Variants in HECW1 observed in about 807,000 individuals in gnomAD.
HECW1 encodes the protein E3 ubiquitin-protein ligase HECW1.
HECW1 carries 61 observed loss-of-function variants against 182.3 expected under a neutral mutation model. That is an observed-to-expected ratio of 0.33 (90% confidence interval 0.27 to 0.41). The LOEUF is 0.41. Ranked by LOEUF, HECW1 falls within the 10% of genes least tolerant of loss-of-function variation. The pLI, the probability that HECW1 is intolerant of heterozygous loss-of-function variation, is 1.00. For missense variants in HECW1, 1,739 were observed against 2,108.9 expected (o/e 0.82, Z 3.44); for synonymous variants, 859 against 832.6 (o/e 1.03, Z -0.55).
chr7:43,285,058 C>G (rs1804452224), intron 3 of HECW1, among the ~76,000 whole-genome samples: 4 of 148,674 alleles, frequency 2.7e-5, no homozygotes, highest in African/African-American at 7.5e-5. Flanking sequence ...GTTATATTAA[C>G]TTATTATAAC....
intron 21 of HECW1, among the ~76,000 whole-genome samples, chr7:43,505,078 C>G (rs1387515686): frequency 5.3e-5 from 8 of 152,130 alleles, no homozygotes; most frequent in African/African-American, 1.9e-4. Flanking sequence ...ATTCCCGCAG[C>G]CTCATCCTCC....
At chr7:43,172,136 AT>A (rs1791756348) in intron 2 of HECW1, among the ~76,000 whole-genome samples, 1 of 147,600 alleles carries the variant, frequency 6.8e-6, no homozygotes, top group Non-Finnish European at 1.5e-5. Flanking sequence ...AAAAAAAAAA[AT>A]TAGCCAGGCA....
At chr7:43,215,191 C>T (rs1296048715) in intron 2 of HECW1, among the ~76,000 whole-genome samples, 1 of 152,214 alleles carries the variant, frequency 6.6e-6, no homozygotes, top group Non-Finnish European at 1.5e-5. Context: ...GTATAGGCAC[C>T]GCCTAGTCAG....
At chr7:43,285,232 A>T (rs1268818541) in intron 3 of HECW1, among the ~76,000 whole-genome samples, 1 of 152,200 alleles carries the variant, frequency 6.6e-6, no homozygotes, top group Non-Finnish European at 1.5e-5. Context: ...ATATGTAGAC[A>T]AACTGGATCA....
At chr7:43,495,255 C>T (rs369135906) in intron 19 of HECW1, among the ~76,000 whole-genome samples, 1 of 151,932 alleles carries the variant, frequency 6.6e-6, no homozygotes, top group Non-Finnish European at 1.5e-5. Flanking sequence ...TAATGCTATC[C>T]CTCCCCTAGC....
At chr7:43,205,874 C>T (rs1471816634) in intron 2 of HECW1, among the ~76,000 whole-genome samples, 1 of 152,178 alleles carries the variant, frequency 6.6e-6, no homozygotes, top group Non-Finnish European at 1.5e-5. Context: ...GTCCACAGTG[C>T]AGGCGGCTGG....
At chr7:43,276,530 G>A (rs1031095081) in intron 3 of HECW1, among the ~76,000 whole-genome samples, 3 of 152,136 alleles carry the variant, frequency 2.0e-5, no homozygotes, top group Non-Finnish European at 2.9e-5. Context: ...AAAATCATAA[G>A]TAGCCTGTTC....
intron 24 of HECW1, among the ~76,000 whole-genome samples, chr7:43,538,154 G>A (rs34703311): frequency 0.16 from 23,739 of 152,158 alleles, 2,173 homozygotes; most frequent in East Asian, 0.34. Context: ...AGGTCAGAGG[G>A]AGTCAAGTTG....
intron 3 of HECW1, among the ~76,000 whole-genome samples, chr7:43,250,100 C>T (rs907212516): frequency 1.7e-4 from 24 of 144,908 alleles, no homozygotes; most frequent in African/African-American, 6.2e-4. Context: ...TCCTCTCTTG[C>T]AGATTTTTTT....
chr7:43,416,552 T>C (rs1306122946), intron 8 of HECW1, among the ~76,000 whole-genome samples: 6 of 152,040 alleles, frequency 3.9e-5, no homozygotes, highest in Non-Finnish European at 1.5e-5. Context: ...TGTGGTGGGC[T>C]CCACCCAGTT....
intron 13 of HECW1, among the ~76,000 whole-genome samples, chr7:43,461,629 G>C (rs1213490283): frequency 4.6e-5 from 7 of 152,172 alleles, no homozygotes; most frequent in Admixed American, 4.6e-4. Flanking sequence ...TCAGCAGAGA[G>C]AAGATCACAG....
chr7:43,228,218 G>A (rs1797596685), intron 2 of HECW1, among the ~76,000 whole-genome samples: 1 of 152,100 alleles, frequency 6.6e-6, no homozygotes, highest in African/African-American at 2.4e-5. Flanking sequence ...AGGCACAGTG[G>A]CTCACGCCTG....
rs1277404090 is a variant in HECW1, at chr7:43,311,835, C to T, written c.100C>T (p.Arg34Trp). The T allele has an allele frequency of 2.5e-6, 4 of 1,614,036 alleles. No homozygotes were observed. Among genetic ancestry groups the T allele is most frequent in the Non-Finnish European group, 2.5e-6 (3 of 1,180,004 alleles). Residue 34 changes from arginine (R) to tryptophan (W), a missense_variant, in exon 4 of 30, where the codon CGG (arginine) becomes TGG (tryptophan). Arg to Trp is a moderately radical substitution (Grantham distance 101, BLOSUM62 -3). This residue lies in a region of HECW1 where 279 missense variants were observed against 353.1 expected (regional missense o/e 0.79). Coordinates refer to ENST00000395891, the MANE Select transcript of HECW1 (RefSeq NM_015052.5). Reference sequence around the variant, plus strand: ...TTCTAGAAACTCCCAGAGCCGACGCCGGTGCAAGGAGCCGCTCCGATACAG... The same window carrying T: ...TTCTAGAAACTCCCAGAGCCGACGCTGGTGCAAGGAGCCGCTCCGATACAG... The part of the protein sequence containing the change: ...SPSRNSQSRR[R>W]CKEPLRYSYN...
chr7:43,526,527 A>G (rs550273313), intron 24 of HECW1, among the ~76,000 whole-genome samples: 1 of 152,352 alleles, frequency 6.6e-6, no homozygotes, highest in South Asian at 2.1e-4. Flanking sequence ...TTATGGAAAT[A>G]TTGTGCATTG....
At chr7:43,364,266 C>A (rs976094705) in intron 6 of HECW1, among the ~76,000 whole-genome samples, 4 of 152,122 alleles carry the variant, frequency 2.6e-5, no homozygotes, top group African/African-American at 9.7e-5. Flanking sequence ...TTCTCATTGT[C>A]TTGTTCCCTC....
chr7:43,531,749 C>T (rs567635199), intron 24 of HECW1, among the ~76,000 whole-genome samples: 1 of 152,346 alleles, frequency 6.6e-6, no homozygotes, highest in Admixed American at 6.5e-5. Context: ...CGGCCTCTGC[C>T]TCCTTCCTGC....
chr7:43,561,864 T>A lies in HECW1; in HGVS notation c.4759T>A (p.Ser1587Thr), dbSNP rs764187219. 9.3e-6 allele frequency: 15 copies of A among 1,614,096 alleles called. No individual in the cohort carries two copies. The highest frequency in any genetic ancestry group is 1.3e-5 in the Non-Finnish European group (15 of 1,179,956). The change falls in exon 30 of 30, where the codon TCC (serine) becomes ACC (threonine). Residue 1587 changes from serine to threonine, a missense_variant. By Grantham distance (58) the Ser-to-Thr change is moderately conservative. Around this residue, in one of 5 missense-constraint regions of HECW1, gnomAD observed 420 missense variants for 595.7 expected, o/e 0.71. Coordinates refer to ENST00000395891, the MANE Select transcript of HECW1 (RefSeq NM_015052.5). The stretch of plus-strand genomic sequence containing the variant: ...GGATCTTCCACCGTATCCCTCGTAC[T>A]CCATGTTGTATGAAAAGCTGTTAAC... ...RLDLPPYPSYSMLYEKLLTAV... is the reference protein window; with the variant it reads ...RLDLPPYPSYTMLYEKLLTAV...
chr7:43,268,394 C>T (rs1436702858), intron 3 of HECW1, among the ~76,000 whole-genome samples: 1 of 152,208 alleles, frequency 6.6e-6, no homozygotes, highest in Non-Finnish European at 1.5e-5. Flanking sequence ...CAGCCTTATT[C>T]CCTGTGAAAC....
chr7:43,424,632 TAAAA>T (rs940313914), intron 8 of HECW1, among the ~76,000 whole-genome samples: 1 of 151,454 alleles, frequency 6.6e-6, no homozygotes, highest in Non-Finnish European at 1.5e-5. Flanking sequence ...CAAAAATAAA[TAAAA>T]AAATAAATAA....
Sources: allele counts gnomAD v4.1 joint callset (sites outside exome capture counted in the v4.1 genomes callset), GRCh38; gene constraint gnomAD v4.1.1; regional missense constraint gnomAD v4.1.1; transcripts MANE v1.5; gene names NCBI Gene and HGNC (gene_info 2026-07-23, HGNC 2026-07-21).